SCAPER: variants seen among roughly 807,000 people sequenced by gnomAD.
SCAPER encodes the protein S phase cyclin A-associated protein in the endoplasmic reticulum.
Under a neutral mutation model 182.2 loss-of-function variants are expected in SCAPER, and 98 were observed. The ratio of observed to expected loss-of-function variants is 0.54; its 90% CI spans 0.46 to 0.64. The LOEUF (loss-of-function observed/expected upper bound fraction) is 0.64, where lower values mean the gene tolerates loss of function less well. Among genes scored for constraint, SCAPER ranks in the 30% least tolerant of loss-of-function variants. SCAPER has a pLI of 0.00. For missense variants in SCAPER, 1,432 were observed against 1,690.0 expected (o/e 0.85, Z 2.68); for synonymous variants, 605 against 564.6 (o/e 1.07, Z -1.01).
chr15:76,353,227 C>T lies in SCAPER; in HGVS notation c.4047+722G>A, dbSNP rs113058819. Among the ~76,000 whole-genome samples, 198 of 152,308 alleles carry T rather than the reference C, an allele frequency of 1.3e-3. 2 individuals are homozygous for T. The Middle Eastern group carries it at 0.014, about 10-fold the overall frequency. On this transcript the variant is annotated intron_variant, in intron 30 of 31. Coordinates refer to ENST00000563290, the MANE Select transcript of SCAPER (RefSeq NM_020843.4). ...AGACCAGAAAGTACTGTCTACTCATCACATGTGTGTCATGGAGCAAAAACA... is the reference window on the plus strand; with the variant it reads ...AGACCAGAAAGTACTGTCTACTCATTACATGTGTGTCATGGAGCAAAAACA...
chr15:76,723,140 G>A (rs1168004265), intron 17 of SCAPER, among the ~76,000 whole-genome samples: 8 of 151,916 alleles, frequency 5.3e-5, no homozygotes, highest in African/African-American at 9.7e-5. Flanking sequence ...CTTTGTTCTC[G>A]TTGGTTTCAA....
chr15:76,765,926 A>C lies in SCAPER; in HGVS notation c.1420-288T>G, dbSNP rs115187016. Among the ~76,000 whole-genome samples, 1,232 of 152,298 alleles carry C rather than the reference A, an allele frequency of 8.1e-3. 13 individuals are homozygous for C. The highest frequency in any genetic ancestry group is 0.028 in the African/African-American group (1,168 of 41,572). On this transcript the variant is annotated intron_variant, in intron 11 of 31. Transcript: ENST00000563290. Reference sequence around the variant, plus strand: ...ATTACTACATAAATGCTAACATATAAAAAGCAAATATTGAAGAATTGAAGA... The same window carrying C: ...ATTACTACATAAATGCTAACATATACAAAGCAAATATTGAAGAATTGAAGA...
At chr15:76,498,912 C>G (rs2040855216) in intron 24 of SCAPER, among the ~76,000 whole-genome samples, 1 of 151,964 alleles carries the variant, frequency 6.6e-6, no homozygotes, top group South Asian at 2.1e-4. Context: ...CATGGATTTA[C>G]TATAGGCAGA....
chr15:76,710,644 A>G (rs908545235), intron 17 of SCAPER, among the ~76,000 whole-genome samples: 4 of 152,154 alleles, frequency 2.6e-5, no homozygotes, highest in Non-Finnish European at 5.9e-5. Context: ...CTAAACAGAG[A>G]GAAACATCAT....
At chr15:76,822,507 T>C (rs537516062) in intron 5 of SCAPER, among the ~76,000 whole-genome samples, 3 of 152,232 alleles carry the variant, frequency 2.0e-5, no homozygotes, top group Non-Finnish European at 4.4e-5. Flanking sequence ...TGTTACCAAA[T>C]ACAACATTTC....
At chr15:76,537,101 A>G (rs1330766459) in intron 23 of SCAPER, among the ~76,000 whole-genome samples, 1 of 152,066 alleles carries the variant, frequency 6.6e-6, no homozygotes, top group East Asian at 1.9e-4. Context: ...TTCCATGCTC[A>G]TGGGTAGGAA....
intron 21 of SCAPER, among the ~76,000 whole-genome samples, chr15:76,623,421 T>C (rs1048639792): frequency 6.6e-6 from 1 of 152,242 alleles, no homozygotes; most frequent in Non-Finnish European, 1.5e-5. Context: ...TTAACTTTTG[T>C]ATATGATGAA....
rs58388611 is a variant in SCAPER at position 76,354,114 on chromosome 15, G to A, written c.3882C>T (p.Pro1294=). ...NQVIVQSGRH[P]TVLQKLCQLP... ...ACTGGCAGAGCTTCTGCAGCACTGT[G>A]GGGTGGCGGCCGGACTGCACGATCA... The change falls in exon 30 of 32, where the codon CCC becomes CCT. Residue 1294 remains proline, a synonymous_variant. Coordinates refer to ENST00000563290, the MANE Select transcript of SCAPER (RefSeq NM_020843.4). This position sits in a 1 kb window ranked among gnomAD's most constrained non-coding sequence, Gnocchi z 4.4. 1.2e-6 allele frequency: 2 copies of A among 1,608,690 alleles called. No individual in the cohort carries two copies. The highest frequency in any genetic ancestry group is 1.7e-6 in the Non-Finnish European group (2 of 1,178,228).
intron 20 of SCAPER, among the ~76,000 whole-genome samples, chr15:76,696,780 AACT>A (rs2058676064): frequency 1.3e-5 from 2 of 152,172 alleles, no homozygotes; most frequent in African/African-American, 2.4e-5. Context: ...ATGTATTTAA[AACT>A]ACTACCCATT....
intron 23 of SCAPER, among the ~76,000 whole-genome samples, chr15:76,527,993 A>G (rs2043335244): frequency 6.6e-6 from 1 of 152,168 alleles, no homozygotes; most frequent in Non-Finnish European, 1.5e-5. Context: ...TCTAACATTT[A>G]TCTTTGTCTT....
At chr15:76,828,391 G>GA (rs139611219) in intron 5 of SCAPER, among the ~76,000 whole-genome samples, 17,541 of 151,338 alleles carry the variant, frequency 0.12, 1,268 homozygotes, top group Middle Eastern at 0.19. Flanking sequence ...TACCCAAAAG[G>GA]AAAAAAATCA....
At chr15:76,642,252 C>T (rs1012594944) in intron 21 of SCAPER, among the ~76,000 whole-genome samples, 3 of 152,082 alleles carry the variant, frequency 2.0e-5, no homozygotes, top group African/African-American at 7.2e-5. Context: ...CTAATCTATC[C>T]TAAATTTTCC....
chr15:76,570,116 T>C (rs2047331859), intron 23 of SCAPER, among the ~76,000 whole-genome samples: 1 of 152,156 alleles, frequency 6.6e-6, no homozygotes, highest in African/African-American at 2.4e-5. Context: ...CCACCTGGGG[T>C]ATTAGCAATT....
chr15:76,390,188 T>C (rs915164959), intron 27 of SCAPER, among the ~76,000 whole-genome samples: 6 of 152,170 alleles, frequency 3.9e-5, no homozygotes, highest in African/African-American at 1.4e-4. Context: ...ACTCCTAGCC[T>C]CAAGTGATCC....
intron 25 of SCAPER, among the ~76,000 whole-genome samples, chr15:76,462,580 C>T (rs1449580250): frequency 6.6e-6 from 1 of 152,018 alleles, no homozygotes; most frequent in Non-Finnish European, 1.5e-5. Flanking sequence ...ATTTTGTTTG[C>T]TTTATCTATC....
chr15:76,702,401 T>C (rs1163954227), intron 19 of SCAPER, among the ~76,000 whole-genome samples: 1 of 152,168 alleles, frequency 6.6e-6, no homozygotes, highest in Non-Finnish European at 1.5e-5. Context: ...GTACCACTTT[T>C]CATTCAGAAT....
At chr15:76,808,478 G>A (rs148026346) in intron 5 of SCAPER, among the ~76,000 whole-genome samples, 134 of 152,236 alleles carry the variant, frequency 8.8e-4, no homozygotes, top group African/African-American at 3.1e-3. Flanking sequence ...TGTGAATCTC[G>A]CTAAACTATA....
intron 15 of SCAPER, among the ~76,000 whole-genome samples, chr15:76,734,534 AT>A (rs1299293796): frequency 1.3e-5 from 2 of 152,210 alleles, no homozygotes; most frequent in African/African-American, 4.8e-5. Context: ...AAGCACTTTA[AT>A]AAGTAGATTA....
intron 17 of SCAPER, among the ~76,000 whole-genome samples, chr15:76,725,647 T>A (rs555358838): frequency 2.0e-5 from 3 of 151,984 alleles, no homozygotes; most frequent in Non-Finnish European, 4.4e-5. Flanking sequence ...AACAGACATG[T>A]ATATAGTCCA....
Sources: gnomAD v4.1 joint callset for allele counts (sites outside exome capture counted in the v4.1 genomes callset) on GRCh38, gnomAD v4.1.1 for gene constraint, Gnocchi (gnomAD v3.1) non-coding constraint, MANE v1.5 for transcripts, NCBI Gene and HGNC (gene_info 2026-07-23, HGNC 2026-07-21) for gene names.